DCC: variants seen among roughly 807,000 people sequenced by gnomAD.
The protein encoded by DCC is DCC netrin 1 receptor, also known as netrin receptor DCC.
In DCC, 58 loss-of-function variants were observed where a neutral mutation model predicts 172.5. That is an observed-to-expected ratio of 0.34 (90% CI 0.27 to 0.42). DCC has a LOEUF of 0.42. Among genes scored for constraint, DCC ranks in the 10% least tolerant of loss-of-function variants. The probability of loss-of-function intolerance (pLI) is 1.00; values close to 1 mark genes in which losing one functional copy is unlikely to be tolerated. For synonymous variants in DCC, 709 were observed against 644.5 expected (o/e 1.10, Z -1.52); for missense variants, 1,740 against 1,791.0 (o/e 0.97, Z 0.51).
At chr18:53,305,264 T>C (rs949418158) in intron 12 of DCC, among the ~76,000 whole-genome samples, 1 of 152,236 alleles carries the variant, frequency 6.6e-6, no homozygotes, top group African/African-American at 2.4e-5. Flanking sequence ...ACATCTCTCA[T>C]GCAATATAAC....
intron 1 of DCC, among the ~76,000 whole-genome samples, chr18:52,555,704 A>C (rs2032897327): frequency 6.6e-6 from 1 of 152,150 alleles, no homozygotes. Context: ...CGTTCTAAGA[A>C]GACTGTTTTT....
intron 21 of DCC, among the ~76,000 whole-genome samples, chr18:53,419,417 A>G (rs551193710): frequency 4.6e-5 from 7 of 151,986 alleles, no homozygotes; most frequent in African/African-American, 1.2e-4. Context: ...CCCATTAATC[A>G]TCTTCACCTC....
intron 1 of DCC, among the ~76,000 whole-genome samples, chr18:52,474,863 A>C (rs1989049825): frequency 6.6e-6 from 1 of 152,178 alleles, no homozygotes; most frequent in South Asian, 2.1e-4. Flanking sequence ...TGGGGACCCC[A>C]ACACCGGTTA....
intron 1 of DCC, among the ~76,000 whole-genome samples, chr18:52,692,806 A>G (rs1249246500): frequency 6.6e-6 from 1 of 152,184 alleles, no homozygotes; most frequent in Non-Finnish European, 1.5e-5. Flanking sequence ...TAGTTATACC[A>G]TTTATTAAAG....
At chr18:53,299,959 G>A (rs1238481153) in intron 12 of DCC, among the ~76,000 whole-genome samples, 2 of 152,122 alleles carry the variant, frequency 1.3e-5, no homozygotes, top group Non-Finnish European at 2.9e-5. Flanking sequence ...TTAGACCATT[G>A]CCAGGTCTAA....
intron 1 of DCC, among the ~76,000 whole-genome samples, chr18:52,544,825 T>C (rs1225924779): frequency 1.3e-5 from 2 of 152,120 alleles, no homozygotes; most frequent in Non-Finnish European, 2.9e-5. Context: ...TCTGGAAAAG[T>C]TAAGAGTTTG....
At chr18:52,712,660 A>G (rs1450141499) in intron 1 of DCC, among the ~76,000 whole-genome samples, 1 of 152,230 alleles carries the variant, frequency 6.6e-6, no homozygotes, top group African/African-American at 2.4e-5. Context: ...GTCAAGTCAC[A>G]TTGAGAAGCT....
At chr18:53,021,130 T>C (rs1387801106) in intron 5 of DCC, among the ~76,000 whole-genome samples, 1 of 152,086 alleles carries the variant, frequency 6.6e-6, no homozygotes, top group African/African-American at 2.4e-5. Context: ...GCTGAGACAG[T>C]CCACAAAGGT....
intron 19 of DCC, among the ~76,000 whole-genome samples, chr18:53,404,758 A>T (rs201659584): frequency 8.0e-5 from 7 of 87,630 alleles, no homozygotes; most frequent in East Asian, 5.6e-4. Flanking sequence ...ATAAAAAATT[A>T]AAAAAAAAAG....
intron 1 of DCC, among the ~76,000 whole-genome samples, chr18:52,582,366 A>G (rs1268699582): frequency 1.3e-5 from 2 of 152,188 alleles, no homozygotes; most frequent in African/African-American, 4.8e-5. Flanking sequence ...TCTCATGCTG[A>G]TGTAAAAAGT....
At chr18:52,921,705 A>AATAAT (rs1555682009) in intron 3 of DCC, among the ~76,000 whole-genome samples, 3,233 of 146,822 alleles carry the variant, frequency 0.022, 88 homozygotes, top group East Asian at 0.12. Context: ...TCAAAAATAA[A>AATAAT]AATAATAATA....
At chr18:52,437,507 C>T (rs1217038143) in intron 1 of DCC, among the ~76,000 whole-genome samples, 1 of 152,158 alleles carries the variant, frequency 6.6e-6, no homozygotes, top group Non-Finnish European at 1.5e-5. Context: ...AAAAGAGAGA[C>T]AGATGTCCTC....
At chr18:52,845,987 T>A (rs953459483) in intron 2 of DCC, among the ~76,000 whole-genome samples, 2 of 152,210 alleles carry the variant, frequency 1.3e-5, no homozygotes, top group Admixed American at 1.3e-4. Flanking sequence ...TATGTAAGGA[T>A]CCAAGGCACT....
At chr18:53,449,884 T>C in intron 22 of DCC, among the ~76,000 whole-genome samples, 1 of 152,146 alleles carries the variant, frequency 6.6e-6, no homozygotes, top group East Asian at 1.9e-4. Context: ...ACCCTGTATC[T>C]GTTAGCTATC....
chr18:52,467,919 T>C (rs1030543553), intron 1 of DCC, among the ~76,000 whole-genome samples: 8 of 152,210 alleles, frequency 5.3e-5, no homozygotes, highest in African/African-American at 1.9e-4. Flanking sequence ...TGTAAATTTG[T>C]TTAAGTTCCT....
At chr18:52,886,217 G>A (rs972167097) in intron 2 of DCC, among the ~76,000 whole-genome samples, 2 of 152,178 alleles carry the variant, frequency 1.3e-5, no homozygotes, top group African/African-American at 4.8e-5. Context: ...CCCAGCCCAG[G>A]ACTAGGAATT....
chr18:52,518,322 C>T (rs1337709041), intron 1 of DCC, among the ~76,000 whole-genome samples: 1 of 152,026 alleles, frequency 6.6e-6, no homozygotes, highest in Non-Finnish European at 1.5e-5. Context: ...GTAGAGTTCC[C>T]AAGGAAAGGT....
Position 53,157,451 on chromosome 18 carries a change from G to T in DCC, c.1357G>T (p.Ala453Ser). ...TGTCCGTCTCAGCTGGCGCCCACCT[G>T]CAGAAGCGAAAGGGAACATTCAAAC... ...RFVRLSWRPP[A>S]EAKGNIQTFT... Residue 453 changes from alanine (A) to serine (S), a missense_variant, in exon 8 of 29, where the codon GCA becomes TCA. Transcript: ENST00000442544. 6.2e-7 allele frequency: 1 copy of T among 1,614,102 alleles called. No individual in the cohort carries two copies. The highest frequency in any genetic ancestry group is 8.5e-7 in the Non-Finnish European group (1 of 1,179,998).
intron 1 of DCC, among the ~76,000 whole-genome samples, chr18:52,439,896 A>G (rs571672993): frequency 1.3e-5 from 2 of 152,358 alleles, no homozygotes; most frequent in South Asian, 4.1e-4. Flanking sequence ...TGTACCCACA[A>G]AAATTAAAAA....
Sources: allele counts gnomAD v4.1 joint callset (sites outside exome capture counted in the v4.1 genomes callset), GRCh38; gene constraint gnomAD v4.1.1; transcripts MANE v1.5; gene names NCBI Gene and HGNC (gene_info 2026-07-23, HGNC 2026-07-21).